The following FAM53A variants were observed in gnomAD, a reference collection of about 807,000 sequenced individuals.
FAM53A encodes protein FAM53A.
FAM53A carries 28 observed loss-of-function variants against 26.6 expected under a neutral mutation model. The ratio of observed to expected loss-of-function variants is 1.05; its 90% CI spans 0.78 to 1.45. The LOEUF is 1.45. Among genes scored for constraint, FAM53A ranks in the 40% most tolerant of loss-of-function variants. The pLI is 0.00. For synonymous variants in FAM53A, 290 were observed against 253.1 expected (o/e 1.15, Z -1.38); for missense variants, 650 against 575.8 (o/e 1.13, Z -1.32).
At chr4:1,669,427 C>T (rs115049905) in intron 1 of FAM53A, among the ~76,000 whole-genome samples, 1 of 152,182 alleles carries the variant, frequency 6.6e-6, no homozygotes, top group Non-Finnish European at 1.5e-5. Context: ...GGAGGAAGGG[C>T]GAGGGCTCAG....
chr4:1,665,187 G>A (rs886797344), intron 2 of FAM53A, among the ~76,000 whole-genome samples: 23 of 151,946 alleles, frequency 1.5e-4, no homozygotes, highest in Admixed American at 1.2e-3. Context: ...GCGTGGTGGC[G>A]CATGCCTGTA....
At chr4:1,670,127 G>A (rs1714528952) in intron 1 of FAM53A, among the ~76,000 whole-genome samples, 2 of 152,208 alleles carry the variant, frequency 1.3e-5, no homozygotes, top group South Asian at 4.1e-4. Context: ...GGCCATGCTA[G>A]GAAGGCAGGC....
chr4:1,684,107 CCCCGCGCCCACGACCG>C (rs1380310783), intron 1 of FAM53A, 110 bp downstream of exon 1: 3 of 151,980 alleles, frequency 2.0e-5, no homozygotes, highest in Non-Finnish European at 4.4e-5. Flanking sequence ...GAGCGCAGGG[CCCCGCGCCCACGACCG>C]CCCGCGCCCT....
downstream of FAM53A, among the ~76,000 whole-genome samples, chr4:1,615,996 C>G (rs1009213703): frequency 6.6e-6 from 1 of 152,180 alleles, no homozygotes; most frequent in Admixed American, 6.5e-5. Flanking sequence ...GGGCCTCCTG[C>G]CTGTCATCAC....
rs890864085 is a variant in FAM53A, at chr4:1,655,868, G to C, written c.137-145C>G. ...CTGGGCGTGCTTCTCCAAGATGTCCGTGGCGCACAGTGGACACCAGCCCCG... is the reference window on the plus strand; with the variant it reads ...CTGGGCGTGCTTCTCCAAGATGTCCCTGGCGCACAGTGGACACCAGCCCCG... On this transcript the variant is annotated intron_variant, in intron 3 of 4. Transcript: ENST00000308132. 6.2e-6 allele frequency: 6 copies of C among 969,202 alleles called. No individual in the cohort carries two copies. The East Asian group carries it at 1.5e-4, about 24-fold the overall frequency. The allele number at this position is 969,202 out of a possible 1,614,324, so 60.0% of individuals were successfully genotyped here.
chr4:1,615,911 C>G (rs1223010769), downstream of FAM53A, among the ~76,000 whole-genome samples: 1 of 152,180 alleles, frequency 6.6e-6, no homozygotes, highest in Non-Finnish European at 1.5e-5. Context: ...CAGGGATGGG[C>G]AAGGCTGTGG....
chr4:1,633,846 T>C (rs2108780044), intron 1 of FAM53A, among the ~76,000 whole-genome samples: 1 of 151,760 alleles, frequency 6.6e-6, no homozygotes, highest in East Asian at 1.9e-4. Flanking sequence ...TTAAAGAGGT[T>C]TTAAAAAAAA....
At chr4:1,655,772 G>T in intron 3 of FAM53A, 49 bp from the exon 4 acceptor site, 1 of 1,473,958 alleles carries the variant, frequency 6.8e-7, no homozygotes, top group Non-Finnish European at 8.9e-7. Context: ...GTGAGCCACA[G>T]GGCAGGCGAC....
intron 1 of FAM53A, among the ~76,000 whole-genome samples, chr4:1,620,340 TC>T (rs1353775831): frequency 6.6e-6 from 1 of 152,060 alleles, no homozygotes; most frequent in Non-Finnish European, 1.5e-5. Flanking sequence ...TCCGCAGACA[TC>T]CCACAGAAGC....
At position 1,668,879 on chromosome 4, in the gene FAM53A, C is replaced by T. The variant is rs947478273; in HGVS notation, c.-138G>A. 87 of 662,788 alleles carry T rather than the reference C, an allele frequency of 1.3e-4. No homozygotes were observed. Among genetic ancestry groups the T allele is most frequent in the Middle Eastern group, 7.5e-4 (3 of 3,990 alleles). 41.1% of individuals were successfully genotyped at this position (662,788 alleles called of 1,614,324 possible). ...ACTTTCTTTACAGATGAGCAGTCCA[C>T]GCCCACGGGCTCTTCAGGATTTGTG... On this transcript the variant is annotated 5_prime_UTR_variant, in exon 2 of 5. In the 5' UTR this introduces an upstream ATG that the reference lacks. Coordinates refer to ENST00000308132, the MANE Select transcript of FAM53A (RefSeq NM_001174070.3).
At chr4:1,600,465 G>A in the FAM53A span, among the ~76,000 whole-genome samples, 13 of 152,284 alleles carry the variant, frequency 8.5e-5, no homozygotes, top group Admixed American at 7.8e-4. Context: ...AGCGCAGGGA[G>A]GACAGGGCTG....
chr4:1,596,984 G>T, the FAM53A span, among the ~76,000 whole-genome samples: 1 of 152,138 alleles, frequency 6.6e-6, no homozygotes, highest in Non-Finnish European at 1.5e-5. Flanking sequence ...CCCTCCTCGG[G>T]GCCTCCCTCC....
chr4:1,616,320 G>A (rs954744292), downstream of FAM53A, among the ~76,000 whole-genome samples: 2 of 152,212 alleles, frequency 1.3e-5, no homozygotes, highest in African/African-American at 2.4e-5. Context: ...AGGTCCCCAC[G>A]GCCAAGGTTG....
At chr4:1,644,072 T>C in intron 4 of FAM53A, 1 of 1,372,678 alleles carries the variant, frequency 7.3e-7, no homozygotes, top group Non-Finnish European at 9.7e-7. Flanking sequence ...CTCGGTCTGG[T>C]GTCACCCGTG....
chr4:1,629,698 G>C (rs1715524695), intron 1 of FAM53A, among the ~76,000 whole-genome samples: 1 of 152,238 alleles, frequency 6.6e-6, no homozygotes, highest in Non-Finnish European at 1.5e-5. Flanking sequence ...CTCAGGCCCA[G>C]ACTCAGCCCC....
the FAM53A span, among the ~76,000 whole-genome samples, chr4:1,582,911 G>A: frequency 1.3e-5 from 2 of 152,158 alleles, no homozygotes; most frequent in South Asian, 2.1e-4. Flanking sequence ...AAAAACCTTG[G>A]GATTGGATTT....
chr4:1,588,869 T>C, the FAM53A span, among the ~76,000 whole-genome samples: 1 of 152,256 alleles, frequency 6.6e-6, no homozygotes, highest in African/African-American at 2.4e-5. Context: ...TAAATCGTTT[T>C]ATAAGTTCTA....
At chr4:1,673,025 C>A (rs374731546) in intron 1 of FAM53A, among the ~76,000 whole-genome samples, 1 of 152,214 alleles carries the variant, frequency 6.6e-6, no homozygotes, top group African/African-American at 2.4e-5. Flanking sequence ...CCACCTCAGC[C>A]TCCCACAGTG....
In FAM53A at chr4:1,655,434, G is replaced by C. The variant is rs574592792; in HGVS notation, c.426C>G (p.Ser142=). 3 of 1,513,490 alleles carry C rather than the reference G, an allele frequency of 2.0e-6. No homozygotes were observed. Among genetic ancestry groups the C allele is most frequent in the East Asian group, 4.8e-5 (2 of 42,104 alleles). The allele number at this position is 1,513,490 out of a possible 1,614,324, so 93.8% of individuals were successfully genotyped here. A position where few individuals can be genotyped will look rare whatever the true frequency, so the allele number is the denominator to read the frequency against. ...TCTTGGAGACTGGAGTCCAGACCTT[G>C]GAGCTGCCGGGGCGCCAGGGGGACC... ...RCRSPWRPGS[S]KVWTPVSKRR... The change falls in exon 4 of 5, where the codon TCC becomes TCG. Residue 142 remains serine, a synonymous_variant. Coordinates refer to ENST00000308132, the MANE Select transcript of FAM53A (RefSeq NM_001174070.3).
Sources: gnomAD v4.1 joint callset for allele counts (sites outside exome capture counted in the v4.1 genomes callset) on GRCh38, gnomAD v4.1.1 for gene constraint, MANE v1.5 for transcripts, NCBI Gene and HGNC (gene_info 2026-07-23, HGNC 2026-07-21) for gene names.